FAM240B: variants seen among roughly 807,000 people sequenced by gnomAD.
FAM240B encodes family with sequence similarity 240 member B, also known as protein FAM240B.
At chr9:38,713,492 A>AAAC in intron 1 of FAM240B, among the ~76,000 whole-genome samples, 1 of 151,052 alleles carries the variant, frequency 6.6e-6, no homozygotes, top group East Asian at 1.9e-4. Context: ...AAAAAAAAAA[A>AAAC]AAAAAAAAAA....
intron 2 of FAM240B, among the ~76,000 whole-genome samples, chr9:38,697,254 A>C (rs1821079206): frequency 1.3e-5 from 2 of 152,224 alleles, no homozygotes; most frequent in Non-Finnish European, 2.9e-5. Context: ...TATTTGCCTC[A>C]GATCAATGCC....
chr9:38,702,933 TA>T lies in FAM240B; in HGVS notation c.143+923del, dbSNP rs533220878. 5.3e-5 allele frequency among the ~76,000 whole-genome samples: 8 copies of T among 152,154 alleles called. No homozygotes were observed. The South Asian group carries it at 1.0e-3, about 20-fold the overall frequency. On this transcript the variant is annotated intron_variant, in intron 2 of 2. Coordinates refer to ENST00000637493, the MANE Select transcript of FAM240B (RefSeq NM_001394922.1). ...AATAACGTAACTTCATTTTTTATAT[TA>T]AAAAAAGTCTTGTCCATATCTGTAA...
intron 2 of FAM240B, among the ~76,000 whole-genome samples, chr9:38,702,740 A>C (rs934025726): frequency 6.6e-6 from 1 of 151,898 alleles, no homozygotes; most frequent in Non-Finnish European, 1.5e-5. Flanking sequence ...CCCTTCTCCC[A>C]AGAATCTTGG....
At chr9:38,695,390 G>A (rs1244225826) in intron 2 of FAM240B, among the ~76,000 whole-genome samples, 11 of 152,152 alleles carry the variant, frequency 7.2e-5, no homozygotes, top group Non-Finnish European at 1.5e-4. Context: ...GCTGGGCGTG[G>A]TGGCGGTGCC....
At chr9:38,713,750 A>G (rs1821282467) in intron 1 of FAM240B, among the ~76,000 whole-genome samples, 1 of 152,204 alleles carries the variant, frequency 6.6e-6, no homozygotes, top group Admixed American at 6.5e-5. Flanking sequence ...TTTAGAAAAG[A>G]TATAGATTGA....
intron 1 of FAM240B, among the ~76,000 whole-genome samples, chr9:38,716,633 A>G (rs1821306322): frequency 6.6e-6 from 1 of 152,146 alleles, no homozygotes; most frequent in South Asian, 2.1e-4. Context: ...TGCTCCTATT[A>G]AAAGCTTTTA....
chr9:38,705,399 C>CA (rs1821177329), intron 1 of FAM240B: 1 of 152,264 alleles, frequency 6.6e-6, no homozygotes, highest in Non-Finnish European at 1.5e-5. Context: ...ACCATCCTGC[C>CA]TAACACAGTG....
chr9:38,705,209 C>T (rs1036402507), intron 1 of FAM240B: 2 of 152,280 alleles, frequency 1.3e-5, no homozygotes, highest in Non-Finnish European at 2.9e-5. Context: ...CCTTACTTCA[C>T]AGCTACAAAG....
chr9:38,701,620 C>G (rs910447352), intron 2 of FAM240B, among the ~76,000 whole-genome samples: 2 of 152,120 alleles, frequency 1.3e-5, no homozygotes, highest in African/African-American at 4.8e-5. Flanking sequence ...TGGTGGTATC[C>G]TGGTTCTGAG....
At chr9:38,698,861 C>T (rs572848013) in intron 2 of FAM240B, among the ~76,000 whole-genome samples, 1 of 152,312 alleles carries the variant, frequency 6.6e-6, no homozygotes, top group South Asian at 2.1e-4. Flanking sequence ...TATTCAGACA[C>T]TTTGCTGCTC....
intron 1 of FAM240B, among the ~76,000 whole-genome samples, chr9:38,708,921 A>G (rs1186007312): frequency 6.6e-6 from 1 of 152,206 alleles, no homozygotes. Flanking sequence ...TCATGGGGAT[A>G]AGAGGCTTCC....
chr9:38,701,196 C>G (rs536082363), intron 2 of FAM240B, among the ~76,000 whole-genome samples: 1 of 151,946 alleles, frequency 6.6e-6, no homozygotes, highest in African/African-American at 2.4e-5. Context: ...TGGGCATTTG[C>G]GTATAGTGGA....
chr9:38,703,132 G>A (rs7857821), intron 2 of FAM240B, among the ~76,000 whole-genome samples: 28,988 of 152,036 alleles, frequency 0.19, 2,856 homozygotes, highest in South Asian at 0.29. Context: ...TGTCAATAGC[G>A]CTGAGGTGGA....
intron 2 of FAM240B, among the ~76,000 whole-genome samples, chr9:38,699,378 T>C (rs142108858): frequency 6.6e-6 from 1 of 152,328 alleles, no homozygotes; most frequent in African/African-American, 2.4e-5. Flanking sequence ...GAAGCAGATT[T>C]GTGGGAAACA....
At chr9:38,705,909 C>A (rs62540090) in intron 1 of FAM240B, among the ~76,000 whole-genome samples, 8,368 of 152,200 alleles carry the variant, frequency 0.055, 315 homozygotes, top group Non-Finnish European at 0.086. Flanking sequence ...CCCTAGACTA[C>A]ATGCTGCTGA....
chr9:38,716,595 A>T (rs2119015837), intron 1 of FAM240B, among the ~76,000 whole-genome samples: 1 of 152,374 alleles, frequency 6.6e-6, no homozygotes, highest in African/African-American at 2.4e-5. Context: ...AGCTAAAAGC[A>T]ATTACTTCTC....
chr9:38,715,280 C>A (rs2119014709), intron 1 of FAM240B, among the ~76,000 whole-genome samples: 1 of 152,322 alleles, frequency 6.6e-6, no homozygotes, highest in Non-Finnish European at 1.5e-5. Flanking sequence ...GGGCAAGTTA[C>A]TTGAACTAAG....
intron 1 of FAM240B, among the ~76,000 whole-genome samples, chr9:38,710,824 C>T (rs556303164): frequency 6.6e-6 from 1 of 152,308 alleles, no homozygotes; most frequent in African/African-American, 2.4e-5. Context: ...CTCTACATCT[C>T]ACCTTCAATT....
chr9:38,701,156 C>CGT lies in FAM240B; in HGVS notation c.143+2699_143+2700dup, dbSNP rs200735087. ...AGAATTTAAAAAGGTCTGTGTGTTACGTGTGTGTGTGTATGTGTACATTGG... is the reference window on the plus strand; with the variant it reads ...AGAATTTAAAAAGGTCTGTGTGTTACGTGTGTGTGTGTGTATGTGTACATTGG... On this transcript the variant is annotated intron_variant, in intron 2 of 2. Coordinates refer to ENST00000637493, the MANE Select transcript of FAM240B (RefSeq NM_001394922.1). Among the ~76,000 whole-genome samples the CGT allele has an allele frequency of 2.3e-3, 347 of 151,786 alleles. 5 individuals carry two copies. The highest frequency in any genetic ancestry group is 8.0e-3 in the African/African-American group (331 of 41,366).
Sources: gnomAD v4.1 joint callset for allele counts (sites outside exome capture counted in the v4.1 genomes callset) on GRCh38, gnomAD v4.1.1 for gene constraint, MANE v1.5 for transcripts, NCBI Gene and HGNC (gene_info 2026-07-23, HGNC 2026-07-21) for gene names.